The following AKR1C8 variants were observed in gnomAD, a reference collection of about 807,000 sequenced individuals.
AKR1C8 encodes aldo-keto reductase family 1 member C-like protein 1.
chr10:5,153,773 C>G, the AKR1C8 span, among the ~76,000 whole-genome samples: 1 of 152,138 alleles, frequency 6.6e-6, no homozygotes, highest in Non-Finnish European at 1.5e-5. Flanking sequence ...AACCTCCCAC[C>G]AGATCCCTCC....
chr10:5,182,963 T>C, the AKR1C8 span, among the ~76,000 whole-genome samples: 5 of 152,086 alleles, frequency 3.3e-5, no homozygotes, highest in East Asian at 9.7e-4. Context: ...AGACCAAATA[T>C]GAAACTAAAA....
the AKR1C8 span, among the ~76,000 whole-genome samples, chr10:5,126,426 T>A: frequency 6.6e-6 from 1 of 152,056 alleles, no homozygotes; most frequent in African/African-American, 2.4e-5. Flanking sequence ...GGGAAGTGCA[T>A]AGCTTTCCTG....
chr10:5,143,439 C>T, the AKR1C8 span, among the ~76,000 whole-genome samples: 2 of 152,112 alleles, frequency 1.3e-5, no homozygotes, highest in Non-Finnish European at 1.5e-5. Flanking sequence ...CTGGAGGATA[C>T]TTTGATGACT....
At chr10:5,177,110 G>A in the AKR1C8 span, among the ~76,000 whole-genome samples, 1 of 152,102 alleles carries the variant, frequency 6.6e-6, no homozygotes, top group Non-Finnish European at 1.5e-5. Context: ...TATTAGCTGT[G>A]GGTTTGTCAT....
chr10:5,135,637 A>C, the AKR1C8 span, among the ~76,000 whole-genome samples: 1 of 152,108 alleles, frequency 6.6e-6, no homozygotes, highest in Non-Finnish European at 1.5e-5. Context: ...ATGATTAATT[A>C]TCATATGTTG....
At chr10:5,137,835 C>CA in the AKR1C8 span, among the ~76,000 whole-genome samples, 1 of 152,080 alleles carries the variant, frequency 6.6e-6, no homozygotes, top group Non-Finnish European at 1.5e-5. Flanking sequence ...GCCTGAGCCT[C>CA]AAAACCAGCA....
the AKR1C8 span, among the ~76,000 whole-genome samples, chr10:5,134,178 G>A: frequency 6.6e-6 from 1 of 152,096 alleles, no homozygotes; most frequent in African/African-American, 2.4e-5. Context: ...TACCAGCCCT[G>A]ATCTTCTCTT....
At chr10:5,140,123 T>C in the AKR1C8 span, among the ~76,000 whole-genome samples, 4,385 of 152,026 alleles carry the variant, frequency 0.029, 81 homozygotes, top group Non-Finnish European at 0.042. Context: ...GTTAGAATGA[T>C]GATCATTAAA....
chr10:5,167,258 A>G, the AKR1C8 span, among the ~76,000 whole-genome samples: 9 of 152,176 alleles, frequency 5.9e-5, no homozygotes, highest in Admixed American at 5.9e-4. Context: ...TAGAAATACC[A>G]TTTGACCCAG....
At chr10:5,145,570 T>G in the AKR1C8 span, among the ~76,000 whole-genome samples, 1 of 152,174 alleles carries the variant, frequency 6.6e-6, no homozygotes, top group East Asian at 1.9e-4. Context: ...AAGAAGACAT[T>G]TATGCAGCCA....
the AKR1C8 span, among the ~76,000 whole-genome samples, chr10:5,156,767 CAA>C: frequency 2.0e-5 from 3 of 152,122 alleles, no homozygotes; most frequent in Non-Finnish European, 2.9e-5. Flanking sequence ...AATTTTTCCA[CAA>C]GTTAATATAC....
the AKR1C8 span, among the ~76,000 whole-genome samples, chr10:5,146,140 T>A: frequency 7.1e-6 from 1 of 140,348 alleles, no homozygotes; most frequent in Admixed American, 7.8e-5. Context: ...TAGGTGGGAA[T>A]TGAACAATGA....
the AKR1C8 span, among the ~76,000 whole-genome samples, chr10:5,180,592 G>GGC: frequency 6.6e-6 from 1 of 152,250 alleles, no homozygotes; most frequent in South Asian, 2.1e-4. Context: ...GGAGCCTAGA[G>GGC]AGGCAGGCAG....
chr10:5,167,074 C>G, the AKR1C8 span, among the ~76,000 whole-genome samples: 1 of 152,124 alleles, frequency 6.6e-6, no homozygotes. Flanking sequence ...CAAATCAAAC[C>G]CACAATGAGA....
the AKR1C8 span, among the ~76,000 whole-genome samples, chr10:5,144,604 G>A: frequency 6.6e-6 from 1 of 151,770 alleles, no homozygotes; most frequent in South Asian, 2.1e-4. Flanking sequence ...CTTGTAAGTT[G>A]GATTCCTAGG....
chr10:5,166,298 A>G, the AKR1C8 span, among the ~76,000 whole-genome samples: 7 of 152,154 alleles, frequency 4.6e-5, no homozygotes, highest in South Asian at 2.1e-4. Context: ...TTTAAAGTTC[A>G]TATGGAACCA....
At chr10:5,174,748 G>T in the AKR1C8 span, among the ~76,000 whole-genome samples, 2 of 151,772 alleles carry the variant, frequency 1.3e-5, no homozygotes, top group African/African-American at 4.8e-5. Context: ...AGGAAAAAGT[G>T]TTTTTAATAA....
the AKR1C8 span, chr10:5,159,969 A>G: frequency 2.3e-5 from 11 of 479,958 alleles, no homozygotes; most frequent in African/African-American, 2.0e-4. Context: ...ACCCCAATGG[A>G]CCTGGTTAAA....
chr10:5,116,164 G>T, the AKR1C8 span, among the ~76,000 whole-genome samples: 1 of 152,124 alleles, frequency 6.6e-6, no homozygotes, highest in African/African-American at 2.4e-5. Context: ...TACCTCTGTT[G>T]TGAAGTAGTA....
Sources: allele counts gnomAD v4.1 joint callset (sites outside exome capture counted in the v4.1 genomes callset), GRCh38; gene constraint gnomAD v4.1.1; transcripts MANE v1.5; gene names NCBI Gene and HGNC (gene_info 2026-07-23, HGNC 2026-07-21).